UTRN: variants seen among roughly 807,000 people sequenced by gnomAD.
UTRN encodes the protein utrophin, also known as dystrophin-related protein 1.
A neutral mutation model predicts 463.9 loss-of-function variants in UTRN; 283 were observed. The ratio of observed to expected loss-of-function variants is 0.61; its 90% CI spans 0.55 to 0.67. The LOEUF (loss-of-function observed/expected upper bound fraction) is 0.67. Ranked by LOEUF, UTRN falls within the 30% of genes least tolerant of loss-of-function variation. The probability of loss-of-function intolerance (pLI) is 0.00; values close to 1 mark genes in which losing one functional copy is unlikely to be tolerated. For synonymous variants in UTRN, 1,442 were observed against 1,431.5 expected (o/e 1.01, Z -0.17); for missense variants, 3,922 against 4,084.3 (o/e 0.96, Z 1.08).
intron 55 of UTRN, among the ~76,000 whole-genome samples, chr6:144,749,460 C>T (rs1167479522): frequency 2.0e-5 from 3 of 152,146 alleles, no homozygotes; most frequent in Non-Finnish European, 4.4e-5. Context: ...CAGTTAGCAC[C>T]TTTGATACTA....
At chr6:144,688,398 T>G (rs1215384606) in intron 52 of UTRN, among the ~76,000 whole-genome samples, 1 of 152,242 alleles carries the variant, frequency 6.6e-6, no homozygotes, top group Non-Finnish European at 1.5e-5. Context: ...TTTGGATTTA[T>G]TGCTGGAGAG....
At chr6:144,461,370 C>A in intron 22 of UTRN, 28 bp downstream of exon 22, 1 of 1,461,858 alleles carries the variant, frequency 6.8e-7, no homozygotes, top group South Asian at 1.5e-5. Context: ...TGTTAGAACT[C>A]TAGCGCTTCT....
chr6:144,739,928 G>T (rs1789866057), intron 54 of UTRN, among the ~76,000 whole-genome samples: 1 of 152,208 alleles, frequency 6.6e-6, no homozygotes, highest in African/African-American at 2.4e-5. Flanking sequence ...GAAGGGGAAA[G>T]TGAAAAATGG....
chr6:144,397,600 A>G (rs1453113734), intron 2 of UTRN, among the ~76,000 whole-genome samples: 3 of 151,962 alleles, frequency 2.0e-5, no homozygotes, highest in African/African-American at 7.3e-5. Context: ...TTTCTTGTAG[A>G]TACCAAAATT....
intron 39 of UTRN, among the ~76,000 whole-genome samples, chr6:144,521,399 A>C (rs1214570276): frequency 1.3e-5 from 2 of 152,160 alleles, no homozygotes; most frequent in Non-Finnish European, 2.9e-5. Flanking sequence ...TAAATATGAC[A>C]CTTCATGATC....
chr6:144,790,758 T>G (rs1776692102), intron 62 of UTRN, among the ~76,000 whole-genome samples: 1 of 152,228 alleles, frequency 6.6e-6, no homozygotes, highest in South Asian at 2.1e-4. Flanking sequence ...AGGAAAATGT[T>G]AATGAAAACA....
chr6:144,304,552 G>T (rs1456651427), intron 2 of UTRN, among the ~76,000 whole-genome samples: 1 of 152,112 alleles, frequency 6.6e-6, no homozygotes, highest in East Asian at 1.9e-4. Context: ...GACATCCCAG[G>T]GCTTCAAGGA....
intron 51 of UTRN, among the ~76,000 whole-genome samples, chr6:144,607,762 G>A (rs1290034747): frequency 1.3e-5 from 2 of 152,160 alleles, no homozygotes; most frequent in South Asian, 4.1e-4. Context: ...TCCAAAGACT[G>A]TTGTGCCCAT....
chr6:144,535,409 T>C (rs529079685), intron 43 of UTRN, among the ~76,000 whole-genome samples: 1 of 152,266 alleles, frequency 6.6e-6, no homozygotes, highest in South Asian at 2.1e-4. Context: ...AGGAAAAACA[T>C]GTACCTGCTG....
chr6:144,562,888 T>C (rs1800062580), intron 50 of UTRN, among the ~76,000 whole-genome samples: 1 of 152,198 alleles, frequency 6.6e-6, no homozygotes, highest in African/African-American at 2.4e-5. Flanking sequence ...TGTTTAATAA[T>C]TGCCATTCTG....
At chr6:144,781,125 C>CCATG (rs563097774) in intron 60 of UTRN, among the ~76,000 whole-genome samples, 169 of 152,352 alleles carry the variant, frequency 1.1e-3, no homozygotes, top group African/African-American at 3.8e-3. Context: ...CTAGCCCCAG[C>CCATG]CATGCCTACC....
intron 14 of UTRN, among the ~76,000 whole-genome samples, chr6:144,446,724 A>G (rs1265108121): frequency 2.6e-5 from 4 of 152,194 alleles, no homozygotes; most frequent in Non-Finnish European, 5.9e-5. Flanking sequence ...TGGATTTCCT[A>G]CATGATGCCA....
chr6:144,846,710 A>G, intron 73 of UTRN, 95 bp from the exon 74 acceptor site: 1 of 1,532,170 alleles, frequency 6.5e-7, no homozygotes, highest in Non-Finnish European at 9.0e-7. Flanking sequence ...TACCCTATGT[A>G]GAGTGATACT....
chr6:144,639,674 G>C (rs1777561195), intron 51 of UTRN, among the ~76,000 whole-genome samples: 1 of 149,002 alleles, frequency 6.7e-6, no homozygotes, highest in Non-Finnish European at 1.5e-5. Context: ...CAGTCTTATT[G>C]CTTCTTACTT....
At chr6:144,840,431 T>A (rs1781467931) in intron 72 of UTRN, among the ~76,000 whole-genome samples, 1 of 152,162 alleles carries the variant, frequency 6.6e-6, no homozygotes, top group Non-Finnish European at 1.5e-5. Context: ...AATAGATTTC[T>A]CATTCAAACA....
At chr6:144,570,519 A>G (rs1406217508) in intron 50 of UTRN, among the ~76,000 whole-genome samples, 1 of 152,190 alleles carries the variant, frequency 6.6e-6, no homozygotes, top group African/African-American at 2.4e-5. Flanking sequence ...TCCAAAATCC[A>G]TATTTTTTTA....
At chr6:144,778,409 G>A (rs1775524939) in intron 60 of UTRN, among the ~76,000 whole-genome samples, 1 of 152,080 alleles carries the variant, frequency 6.6e-6, no homozygotes, top group Non-Finnish European at 1.5e-5. Context: ...CTCTTGTAGG[G>A]ATCAGAGCAA....
At chr6:144,690,089 T>TGTGTGTGTGTGTGTG (rs1436355407) in intron 52 of UTRN, among the ~76,000 whole-genome samples, 3 of 36,850 alleles carry the variant, frequency 8.1e-5, no homozygotes, top group Admixed American at 3.4e-4. Context: ...TTTTTTTTTT[T>TGTGTGTGTGTGTGTG]TTTTTTTGTG....
At chr6:144,745,364 G>T (rs114475049) in intron 54 of UTRN, among the ~76,000 whole-genome samples, 1 of 150,578 alleles carries the variant, frequency 6.6e-6, no homozygotes, top group Non-Finnish European at 1.5e-5. Flanking sequence ...TTCACATGTC[G>T]CTTCTTCTTA....
Sources: allele counts gnomAD v4.1 joint callset (sites outside exome capture counted in the v4.1 genomes callset), GRCh38; gene constraint gnomAD v4.1.1; transcripts MANE v1.5; gene names NCBI Gene and HGNC (gene_info 2026-07-23, HGNC 2026-07-21).